Variants in PDE3B observed in about 807,000 individuals in gnomAD.
PDE3B encodes phosphodiesterase 3B, also known as cGMP-inhibited 3',5'-cyclic phosphodiesterase 3B.
PDE3B carries 66 observed loss-of-function variants against 116.8 expected under a neutral mutation model. The ratio of observed to expected loss-of-function variants is 0.56; its 90% CI spans 0.46 to 0.69. PDE3B has a LOEUF of 0.69. PDE3B is among the 30% of genes least tolerant of loss of function. The pLI is 0.00. For missense variants in PDE3B, 1,384 were observed against 1,368.1 expected (o/e 1.01, Z -0.18); for synonymous variants, 595 against 533.6 (o/e 1.12, Z -1.59).
the PDE3B span, among the ~76,000 whole-genome samples, chr11:14,888,581 T>C: frequency 6.6e-6 from 1 of 152,298 alleles, no homozygotes; most frequent in East Asian, 1.9e-4. Context: ...CTTGGGGCAC[T>C]CTTTTTCTCT....
At chr11:14,887,046 C>T in the PDE3B span, 5 of 152,352 alleles carry the variant, frequency 3.3e-5, no homozygotes, top group African/African-American at 1.2e-4. Context: ...TCAAAAGTGA[C>T]AGTAGAAGAG....
chr11:14,787,357 C>T (rs937687910), intron 3 of PDE3B, among the ~76,000 whole-genome samples: 1 of 151,864 alleles, frequency 6.6e-6, no homozygotes, highest in African/African-American at 2.4e-5. Flanking sequence ...AATCATAAAA[C>T]TTTAAAACTA....
intron 5 of PDE3B, among the ~76,000 whole-genome samples, chr11:14,805,107 A>G (rs1243247091): frequency 6.6e-6 from 1 of 152,192 alleles, no homozygotes. Context: ...ATAACTTCGC[A>G]AAACTAATAA....
At chr11:14,658,684 T>C (rs1324420973) in intron 1 of PDE3B, among the ~76,000 whole-genome samples, 1 of 152,234 alleles carries the variant, frequency 6.6e-6, no homozygotes, top group African/African-American at 2.4e-5. Context: ...AGTGTCTATA[T>C]AGTTGCATGG....
intron 1 of PDE3B, among the ~76,000 whole-genome samples, chr11:14,702,514 G>C (rs571943850): frequency 1.3e-5 from 2 of 151,974 alleles, no homozygotes; most frequent in Admixed American, 1.3e-4. Flanking sequence ...AAGAAGTCCA[G>C]TAAAAGGTGT....
chr11:14,827,493 G>C (rs1590176524), intron 7 of PDE3B, among the ~76,000 whole-genome samples: 1 of 152,030 alleles, frequency 6.6e-6, no homozygotes, highest in Non-Finnish European at 1.5e-5. Context: ...TCAATGAACA[G>C]AAATAACTAG....
intron 5 of PDE3B, among the ~76,000 whole-genome samples, chr11:14,810,849 T>C (rs1294076684): frequency 2.0e-5 from 3 of 148,376 alleles, no homozygotes; most frequent in Non-Finnish European, 4.5e-5. Context: ...GACTTTTTAA[T>C]GACTGCCATT....
the PDE3B span, among the ~76,000 whole-genome samples, chr11:14,888,576 G>GCA: frequency 5.0e-4 from 76 of 152,136 alleles, no homozygotes; most frequent in African/African-American, 1.8e-3. Context: ...CCTTTCTTGG[G>GCA]GCACTCTTTT....
chr11:14,685,317 T>C (rs1854838115), intron 1 of PDE3B, among the ~76,000 whole-genome samples: 1 of 152,122 alleles, frequency 6.6e-6, no homozygotes, highest in African/African-American at 2.4e-5. Flanking sequence ...ACGAATCTAT[T>C]GCACCACTCC....
intron 1 of PDE3B, among the ~76,000 whole-genome samples, chr11:14,672,196 A>G (rs983273806): frequency 6.6e-6 from 1 of 151,504 alleles, no homozygotes; most frequent in African/African-American, 2.4e-5. Context: ...CCCTTTTCTT[A>G]TTATTTTAGG....
intron 12 of PDE3B, among the ~76,000 whole-genome samples, chr11:14,852,381 AT>A (rs765872665): frequency 4.6e-5 from 7 of 152,106 alleles, no homozygotes; most frequent in Non-Finnish European, 1.0e-4. Context: ...TACAGCTTTC[AT>A]TTTCGTAAAG....
chr11:14,750,691 C>T (rs1258393770), intron 1 of PDE3B, among the ~76,000 whole-genome samples: 1 of 151,892 alleles, frequency 6.6e-6, no homozygotes, highest in Non-Finnish European at 1.5e-5. Context: ...GAAAAGGATC[C>T]ATAGGCTTTA....
intron 5 of PDE3B, among the ~76,000 whole-genome samples, chr11:14,816,750 C>T (rs1434465968): frequency 1.3e-5 from 2 of 152,174 alleles, no homozygotes; most frequent in East Asian, 1.9e-4. Flanking sequence ...ATTTTTAAAG[C>T]GATCTGACAT....
chr11:14,823,252 A>T (rs1340487862), intron 7 of PDE3B, among the ~76,000 whole-genome samples: 1 of 152,214 alleles, frequency 6.6e-6, no homozygotes, highest in Admixed American at 6.5e-5. Flanking sequence ...ATGGGAAAGC[A>T]GCTAGACTGC....
chr11:14,735,857 A>G (rs1440510686), intron 1 of PDE3B, among the ~76,000 whole-genome samples: 1 of 152,154 alleles, frequency 6.6e-6, no homozygotes, highest in Non-Finnish European at 1.5e-5. Flanking sequence ...ATTGTTATTT[A>G]GTCTGGATGA....
intron 12 of PDE3B, among the ~76,000 whole-genome samples, chr11:14,847,022 A>C (rs1484411155): frequency 3.3e-5 from 5 of 152,176 alleles, no homozygotes; most frequent in African/African-American, 1.2e-4. Flanking sequence ...TCCACCCCAA[A>C]TCAACAGAAT....
chr11:14,788,686 C>T (rs2133918416), intron 3 of PDE3B, among the ~76,000 whole-genome samples: 1 of 152,016 alleles, frequency 6.6e-6, no homozygotes, highest in South Asian at 2.1e-4. Context: ...TCCTGATTAA[C>T]AGCTAAGTAA....
chr11:14,826,633 C>T (rs1237992915), intron 7 of PDE3B, among the ~76,000 whole-genome samples: 1 of 152,036 alleles, frequency 6.6e-6, no homozygotes, highest in Non-Finnish European at 1.5e-5. Flanking sequence ...AAATAGCCCA[C>T]CAACCAAAAT....
At chr11:14,832,530 G>A (rs1028405623) in intron 9 of PDE3B, among the ~76,000 whole-genome samples, 192 bp from the exon 10 acceptor site, 1 of 152,124 alleles carries the variant, frequency 6.6e-6, no homozygotes, top group African/African-American at 2.4e-5. Context: ...TTAATTTTCA[G>A]TGGCTTTAGG....
Sources: allele counts gnomAD v4.1 joint callset (sites outside exome capture counted in the v4.1 genomes callset), GRCh38; gene constraint gnomAD v4.1.1; transcripts MANE v1.5; gene names NCBI Gene and HGNC (gene_info 2026-07-23, HGNC 2026-07-21).